Variants in TDRD15 observed in about 807,000 individuals in gnomAD.
TDRD15 encodes tudor domain-containing protein 15.
For missense variants in TDRD15, 1,416 were observed against 904.7 expected (o/e 1.57, Z -7.25); for synonymous variants, 503 against 314.5 (o/e 1.60, Z -6.34).
At chr2:21,124,478 T>G (rs965970432) in intron 1 of TDRD15, among the ~76,000 whole-genome samples, 10 of 130,222 alleles carry the variant, frequency 7.7e-5, no homozygotes, top group South Asian at 2.5e-4. Flanking sequence ...AATGCCAGGG[T>G]GTGTGTGTGT....
rs534024711 is a variant in TDRD15 at position 21,131,823 on chromosome 2, G to A, written c.-89-2939G>A. On this transcript the variant is annotated intron_variant, in intron 2 of 3. Transcript: ENST00000405799. ...TATTTTTATTTCTAAAATGATAAAC[G>A]TTGGTAGATATAAGTTACATAAATG... Among the ~76,000 whole-genome samples the A allele has an allele frequency of 1.8e-3, 278 of 152,116 alleles. 1 individual carries two copies. Among genetic ancestry groups the A allele is most frequent in the African/African-American group, 5.4e-3 (225 of 41,484 alleles).
chr2:21,141,943 A>G lies in TDRD15; in HGVS notation c.4476A>G (p.Pro1492=). 1.4e-6 allele frequency: 1 copy of G among 711,250 alleles called. No individual in the cohort carries two copies. Among genetic ancestry groups the G allele is most frequent in the South Asian group, 1.5e-5 (1 of 66,344 alleles). The allele number at this position is 711,250 out of a possible 1,614,324, so 44.1% of individuals were successfully genotyped here. ...AGGTTCTCTCTCAAAAGGTGAGGCC[A>G]GGTGATAATGAAATGAAGAAAGGAA... The part of the protein sequence containing the change: ...MPQVLSQKVR[P]GDNEMKKGKS... The change falls in exon 4 of 4, where the codon CCA becomes CCG. Residue 1492 remains proline (P), a synonymous_variant. Coordinates refer to ENST00000405799, the MANE Select transcript of TDRD15 (RefSeq NM_001306137.2).
At chr2:21,127,463 C>T (rs1665620823) in intron 1 of TDRD15, 138 bp from the exon 2 acceptor site, 1 of 152,026 alleles carries the variant, frequency 6.6e-6, no homozygotes, top group Non-Finnish European at 1.5e-5. Flanking sequence ...GTTTATATTC[C>T]ATTTAGAATA....
At chr2:21,135,079 AAT>A (rs1665783830) in intron 3 of TDRD15, among the ~76,000 whole-genome samples, 1 of 145,896 alleles carries the variant, frequency 6.9e-6, no homozygotes, top group Non-Finnish European at 1.5e-5. Context: ...ATATATAAAC[AAT>A]TAGTTTAGTT....
Position 21,140,954 on chromosome 2 carries a change from A to G in TDRD15, c.3487A>G (p.Lys1163Glu). 1 of 712,958 alleles carries G rather than the reference A, an allele frequency of 1.4e-6. No individual in the cohort carries two copies. The highest frequency in any genetic ancestry group is 2.6e-6 in the Non-Finnish European group (1 of 383,138). The allele number at this position is 712,958 out of a possible 1,614,324, so 44.2% of individuals were successfully genotyped here. Reference sequence around the variant, plus strand: ...AAAGAGTAATAAAATAAATGAGAATAAGAGATTTACTACTTCTTTGAAAGG... The same window carrying G: ...AAAGAGTAATAAAATAAATGAGAATGAGAGATTTACTACTTCTTTGAAAGG... ...MEKSNKINEN[K>E]RFTTSLKGKT... is the part of the protein sequence containing the mutation. Residue 1163 changes from lysine (K) to glutamate (E), a missense_variant, in exon 4 of 4, where the codon AAG becomes GAG. Transcript: ENST00000405799.
Position 21,142,771 on chromosome 2 carries a change from T to C in TDRD15, c.5304T>C (p.Asp1768=). The stretch of plus-strand genomic sequence containing the variant: ...AATACCTTTTTATGTTGCTTTCTGA[T>C]CTACCAGAGACCTTACAAACATTGC... ...IMKYLFMLLS[D]LPETLQTLPQ... The change falls in exon 4 of 4, where the codon GAT becomes GAC. Residue 1768 remains aspartate (D), a synonymous_variant. Transcript: ENST00000405799. 1 of 714,598 alleles carries C rather than the reference T, an allele frequency of 1.4e-6. No individual in the cohort carries two copies. The highest frequency in any genetic ancestry group is 2.7e-5 in the East Asian group (1 of 37,190). 44.3% of individuals were successfully genotyped at this position (714,598 alleles called of 1,614,324 possible).
In TDRD15 at chr2:21,140,303, C is replaced by A. The variant is rs1665896902; in HGVS notation, c.2836C>A (p.Pro946Thr). The A allele has an allele frequency of 1.4e-6, 1 of 714,444 alleles. No homozygotes were observed. The highest frequency in any genetic ancestry group is 1.8e-5 in the African/African-American group (1 of 57,080). The allele number at this position is 714,444 out of a possible 1,614,324, so 44.3% of individuals were successfully genotyped here. A position where few individuals can be genotyped will look rare whatever the true frequency, so the allele number is the denominator to read the frequency against. ...GTATATCACATTATCAGAGACATTCCCATCTTTATTTAGTCTTTACAGTTA... is the reference window on the plus strand; with the variant it reads ...GTATATCACATTATCAGAGACATTCACATCTTTATTTAGTCTTTACAGTTA... ...AQYITLSETF[P>T]SLFSLYSYCY... Residue 946 changes from proline (P) to threonine (T), a missense_variant, in exon 4 of 4, where the codon CCA becomes ACA. Coordinates refer to ENST00000405799, the MANE Select transcript of TDRD15 (RefSeq NM_001306137.2).
At chr2:21,130,696 T>G (rs906653312) in intron 2 of TDRD15, among the ~76,000 whole-genome samples, 5 of 152,160 alleles carry the variant, frequency 3.3e-5, no homozygotes, top group African/African-American at 1.2e-4. Context: ...CCTTTTTCAG[T>G]GTGTTAATGT....
At chr2:21,128,192 A>G (rs944328253) in intron 2 of TDRD15, among the ~76,000 whole-genome samples, 19 of 152,142 alleles carry the variant, frequency 1.2e-4, no homozygotes, top group African/African-American at 4.3e-4. Context: ...CTAATACAGT[A>G]CATGGAAGAG....
In TDRD15 at chr2:21,141,039, C is replaced by A; in HGVS notation, c.3572C>A (p.Ser1191Tyr). The A allele has an allele frequency of 1.4e-6, 1 of 706,822 alleles. No homozygotes were observed. Among genetic ancestry groups the A allele is most frequent in the South Asian group, 1.5e-5 (1 of 65,072 alleles). 43.8% of individuals were successfully genotyped at this position (706,822 alleles called of 1,614,324 possible). A position where few individuals can be genotyped will look rare whatever the true frequency, so the allele number is the denominator to read the frequency against. ...VINKPSPVTY[S>Y]ERKIDQLMHP... Reference sequence around the variant, plus strand: ...AATAAACCTAGTCCAGTAACATATTCCGAAAGAAAAATAGACCAATTGATG... The same window carrying A: ...AATAAACCTAGTCCAGTAACATATTACGAAAGAAAAATAGACCAATTGATG... The change falls in exon 4 of 4, where the codon TCC becomes TAC. Residue 1191 changes from serine (S) to tyrosine (Y), a missense_variant. Transcript: ENST00000405799.
At chr2:21,129,465 C>T (rs962040186) in intron 2 of TDRD15, among the ~76,000 whole-genome samples, 1 of 152,168 alleles carries the variant, frequency 6.6e-6, no homozygotes, top group Non-Finnish European at 1.5e-5. Flanking sequence ...ATGATGTTGA[C>T]TATCTTTTTA....
At position 21,138,797 on chromosome 2, in the gene TDRD15, A is replaced by T. The variant is rs981051578; in HGVS notation, c.1330A>T (p.Ser444Cys). ...LSETSVSDVN[S>C]FAVESFMGNI... ...TGAGACAAGTGTGTCTGATGTAAAC[A>T]GCTTTGCAGTTGAGAGTTTTATGGG... Residue 444 changes from serine to cysteine, a missense_variant, in exon 4 of 4, where the codon AGC (serine) becomes TGC (cysteine). Coordinates refer to ENST00000405799, the MANE Select transcript of TDRD15 (RefSeq NM_001306137.2). The T allele has an allele frequency of 2.8e-6, 2 of 713,522 alleles. No individual in the cohort carries two copies. The highest frequency in any genetic ancestry group is 3.5e-5 in the African/African-American group (2 of 57,118). 44.2% of individuals were successfully genotyped at this position (713,522 alleles called of 1,614,324 possible).
Position 21,142,392 on chromosome 2 carries a change from G to A in TDRD15, c.4925G>A (p.Trp1642Ter). ...NIPRQAVPCK[W>*]IWFENSKNIS... ...CCTAGACAAGCTGTACCTTGTAAAT[G>A]GATTTGGTTTGAAAATTCTAAGAAC... Residue 1642 changes from tryptophan to a stop codon, truncating the protein, a stop_gained, in exon 4 of 4, where the codon TGG becomes TAG. Coordinates refer to ENST00000405799, the MANE Select transcript of TDRD15 (RefSeq NM_001306137.2). LOFTEE classifies it low-confidence loss of function (END_TRUNC). The A allele has an allele frequency of 1.4e-6, 1 of 704,930 alleles. No individual in the cohort carries two copies. Among genetic ancestry groups the A allele is most frequent in the South Asian group, 1.5e-5 (1 of 64,754 alleles). The allele number at this position is 704,930 out of a possible 1,614,324, so 43.7% of individuals were successfully genotyped here.
intron 2 of TDRD15, among the ~76,000 whole-genome samples, chr2:21,130,847 T>C (rs1469560506): frequency 6.6e-6 from 1 of 152,204 alleles, no homozygotes; most frequent in Non-Finnish European, 1.5e-5. Context: ...AGTTTCACTT[T>C]AAAATGTCCT....
Position 21,138,769 on chromosome 2 carries a change from G to T in TDRD15, c.1302G>T (p.Leu434Phe). Residue 434 changes from leucine (L) to phenylalanine (F), a missense_variant, in exon 4 of 4, where the codon TTG (leucine) becomes TTT (phenylalanine). Coordinates refer to ENST00000405799, the MANE Select transcript of TDRD15 (RefSeq NM_001306137.2). ...PMSDSKISNI[L>F]SETSVSDVNS... ...CTGATTCAAAAATCTCCAATATCTT[G>T]AGTGAGACAAGTGTGTCTGATGTAA... 1 of 715,562 alleles carries T rather than the reference G, an allele frequency of 1.4e-6. No homozygotes were observed. Among genetic ancestry groups the T allele is most frequent in the South Asian group, 1.5e-5 (1 of 67,426 alleles). The allele number at this position is 715,562 out of a possible 1,614,324, so 44.3% of individuals were successfully genotyped here. A position where few individuals can be genotyped will look rare whatever the true frequency, so the allele number is the denominator to read the frequency against.
rs1267786477 is a variant in TDRD15, at chr2:21,140,300, T to G, written c.2833T>G (p.Phe945Val). The G allele has an allele frequency of 9.8e-6, 7 of 714,776 alleles. No homozygotes were observed. 44.3% of individuals were successfully genotyped at this position (714,776 alleles called of 1,614,324 possible). A position where few individuals can be genotyped will look rare whatever the true frequency, so the allele number is the denominator to read the frequency against. ...SAQYITLSET[F>V]PSLFSLYSYC... is the part of the protein sequence containing the mutation. ...TCAGTATATCACATTATCAGAGACA[T>G]TCCCATCTTTATTTAGTCTTTACAG... The change falls in exon 4 of 4, where the codon TTC becomes GTC. Residue 945 changes from phenylalanine to valine, a missense_variant. By Grantham distance (50) the Phe-to-Val change is conservative (BLOSUM62 -1). Transcript: ENST00000405799.
chr2:21,147,152 T>C (rs1572306289), downstream of TDRD15, among the ~76,000 whole-genome samples: 1 of 152,222 alleles, frequency 6.6e-6, no homozygotes, highest in Non-Finnish European at 1.5e-5. Context: ...GAAAGTATTT[T>C]TGTGAAATCA....
intron 2 of TDRD15, among the ~76,000 whole-genome samples, 172 bp downstream of exon 2, chr2:21,127,883 G>T (rs1161284439): frequency 6.6e-6 from 1 of 152,060 alleles, no homozygotes; most frequent in African/African-American, 2.4e-5. Flanking sequence ...GGTGACTTTG[G>T]GGAGAATTGA....
chr2:21,142,295 G>T lies in TDRD15; in HGVS notation c.4828G>T (p.Val1610Leu), dbSNP rs1436078146. ...YVDDKVLVFL[V>L]DCGIYEIVPV... The stretch of plus-strand genomic sequence containing the variant: ...TGATGATAAAGTACTTGTTTTTTTA[G>T]TAGATTGTGGTATCTATGAAATAGT... Residue 1610 changes from valine to leucine, a missense_variant, in exon 4 of 4, where the codon GTA (valine) becomes TTA (leucine). Coordinates refer to ENST00000405799, the MANE Select transcript of TDRD15 (RefSeq NM_001306137.2). 1 of 687,412 alleles carries T rather than the reference G, an allele frequency of 1.5e-6. No individual in the cohort carries two copies. Among genetic ancestry groups the T allele is most frequent in the Admixed American group, 2.4e-5 (1 of 41,056 alleles). 42.6% of individuals were successfully genotyped at this position (687,412 alleles called of 1,614,324 possible).
Sources: gnomAD v4.1 joint callset for allele counts (sites outside exome capture counted in the v4.1 genomes callset) on GRCh38, gnomAD v4.1.1 for gene constraint, MANE v1.5 for transcripts, NCBI Gene and HGNC (gene_info 2026-07-23, HGNC 2026-07-21) for gene names.